Variants in NBPF12 observed in about 807,000 individuals in gnomAD.
NBPF12 encodes the protein NBPF family member NBPF12.
A neutral mutation model predicts 146.4 loss-of-function variants in NBPF12; 115 were observed. The observed-to-expected ratio is 0.79, with a 90% CI of 0.68 to 0.92. The LOEUF (loss-of-function observed/expected upper bound fraction) is 0.92. Ranked by LOEUF, NBPF12 falls within the 40% of genes least tolerant of loss-of-function variation. NBPF12 has a pLI of 0.00. For synonymous variants in NBPF12, 385 were observed against 508.9 expected, an observed-to-expected ratio of 0.76 and a Z score of 3.28; for missense variants, 1,205 against 1,326.8, an observed-to-expected ratio of 0.91 and a Z score of 1.43.
chr1:146,994,291 A>C, intron 33 of NBPF12, 41 bp from the exon 37 acceptor site: 1 of 1,610,846 alleles, frequency 6.2e-7, no homozygotes, highest in East Asian at 2.2e-5. Flanking sequence ...GTGGTGTCTG[A>C]CTTTCCCTGG....
intron 2 of NBPF12, among the ~76,000 whole-genome samples, chr1:146,955,888 C>T (rs1477241131): frequency 2.0e-5 from 3 of 151,072 alleles, no homozygotes; most frequent in African/African-American, 7.3e-5. Context: ...AGAATGCCTT[C>T]GTTATTTCGT....
rs1448026357 is a variant in NBPF12, at chr1:146,949,939, CAT to C, written c.-326+518_-326+519del. 3.4e-3 allele frequency among the ~76,000 whole-genome samples: 524 copies of C among 151,980 alleles called. 7 individuals are homozygous for C. Among genetic ancestry groups the C allele is most frequent in the African/African-American group, 0.012 (496 of 41,350 alleles). ...TCCAACCAGCCACACAAAGCTCTGT[CAT>C]GTGTGGAGTGATGTGATTAGATCCA... On this transcript the variant is annotated intron_variant, in intron 1 of 33. Transcript: ENST00000617844.
At chr1:146,939,504 A>T (rs1447417321) in intron 1 of NBPF12, among the ~76,000 whole-genome samples, 1 of 151,922 alleles carries the variant, frequency 6.6e-6, no homozygotes, top group African/African-American at 2.4e-5. Flanking sequence ...GAATCACCTC[A>T]TGACTAGCGG....
At chr1:146,972,729 T>A (rs1420222299) in intron 13 of NBPF12, 22 bp from the exon 17 acceptor site, 1 of 1,363,922 alleles carries the variant, frequency 7.3e-7, no homozygotes, top group Non-Finnish European at 1.0e-6. Flanking sequence ...ACCCATCATG[T>A]GTTTGCCTTT....
intron 19 of NBPF12, among the ~76,000 whole-genome samples, chr1:146,981,097 A>C (rs1553887902): frequency 7.6e-6 from 1 of 131,542 alleles, no homozygotes; most frequent in Non-Finnish European, 1.6e-5. Flanking sequence ...ACAAGGACAC[A>C]GGAAGGGGAA....
At chr1:146,970,178 G>C (rs1471671879) in intron 11 of NBPF12, among the ~76,000 whole-genome samples, 1 of 150,774 alleles carries the variant, frequency 6.6e-6, no homozygotes, top group Non-Finnish European at 1.5e-5. Context: ...CACTCCCCAT[G>C]GATAGAATGT....
chr1:146,982,971 T>A (rs1657486310), exon 20 of NBPF12: 6 of 1,609,288 alleles, frequency 3.7e-6, no homozygotes, highest in Non-Finnish European at 5.1e-6. Flanking sequence ...CCAGGAGTCC[T>A]GGGATGAAGG....
At chr1:146,964,383 G>A (rs1553885237) in exon 7 of NBPF12, 4 of 1,603,280 alleles carry the variant, frequency 2.5e-6, no homozygotes, top group East Asian at 4.5e-5. Flanking sequence ...GGATGAAGAT[G>A]TTCAAGTTGA....
At chr1:146,967,919 T>C (rs1656310265) in intron 9 of NBPF12, among the ~76,000 whole-genome samples, 1 of 145,366 alleles carries the variant, frequency 6.9e-6, no homozygotes, top group African/African-American at 2.6e-5. Context: ...CTTATGGTGT[T>C]ATGTGTCACA....
At chr1:146,946,705 A>AT (rs1451132896), upstream of NBPF12, among the ~76,000 whole-genome samples, 3 of 148,254 alleles carry the variant, frequency 2.0e-5, no homozygotes, top group African/African-American at 7.5e-5. Context: ...GCTCAACTTA[A>AT]TTTTTTTTCA....
At chr1:146,952,435 G>A (rs879057982) in intron 2 of NBPF12, among the ~76,000 whole-genome samples, 5 of 152,082 alleles carry the variant, frequency 3.3e-5, no homozygotes, top group South Asian at 2.1e-4. Context: ...CCCCAATGCC[G>A]TGTAGCACTT....
chr1:146,983,834 AG>A (rs1251542793), intron 20 of NBPF12, among the ~76,000 whole-genome samples: 12 of 124,974 alleles, frequency 9.6e-5, no homozygotes, highest in Non-Finnish European at 2.0e-4. Context: ...ATGAGGTGTT[AG>A]AACTATTTGC....
chr1:146,965,201 G>T, intron 8 of NBPF12, 97 bp downstream of exon 11: 3 of 811,116 alleles, frequency 3.7e-6, no homozygotes, highest in Non-Finnish European at 6.5e-6. Context: ...TATTGTTTTA[G>T]TCAGAAACTA....
At chr1:146,962,904 T>C (rs1214829258) in intron 5 of NBPF12, among the ~76,000 whole-genome samples, 191 bp from the exon 9 acceptor site, 1 of 151,320 alleles carries the variant, frequency 6.6e-6, no homozygotes, top group African/African-American at 2.4e-5. Context: ...GCAGGAGCCC[T>C]CTCTGATAGA....
At chr1:146,977,662 A>T in exon 18 of NBPF12, 1 of 921,578 alleles carries the variant, frequency 1.1e-6, no homozygotes, top group Non-Finnish European at 1.8e-6. Flanking sequence ...TGCTGTACAC[A>T]TTATCCCAGG....
chr1:146,949,821 C>T (rs1200611048), intron 1 of NBPF12, among the ~76,000 whole-genome samples: 2 of 151,970 alleles, frequency 1.3e-5, no homozygotes, highest in Non-Finnish European at 2.9e-5. Context: ...CCAGAGGCCA[C>T]GTGCTTTCCT....
At chr1:146,960,572 A>G (rs1655785617) in intron 4 of NBPF12, among the ~76,000 whole-genome samples, 1 of 152,054 alleles carries the variant, frequency 6.6e-6, no homozygotes, top group African/African-American at 2.4e-5. Context: ...ACACAGGCAC[A>G]GAATGACCTG....
In NBPF12 at chr1:146,994,227, C is replaced by G. The variant is rs1212783136; in HGVS notation, c.4131-105C>G. 6 of 1,565,924 alleles carry G rather than the reference C, an allele frequency of 3.8e-6. No individual in the cohort carries two copies. The East Asian group carries it at 9.0e-5, about 23-fold the overall frequency. ...TTGTTACCTCATTAATGGATCTGTC[C>G]TTTTTCTTTTCTAACCACTTCCTTA... is the stretch of plus-strand genomic sequence containing the variant. On this transcript the variant is annotated intron_variant, in intron 33 of 33. Transcript: ENST00000617844.
intron 13 of NBPF12, 93 bp from the exon 17 acceptor site, chr1:146,972,658 A>G: frequency 8.4e-6 from 9 of 1,070,732 alleles, no homozygotes; most frequent in East Asian, 4.7e-5. Flanking sequence ...AAATAAGTAG[A>G]CAAGGCTACC....
Sources: gnomAD v4.1 joint callset for allele counts (sites outside exome capture counted in the v4.1 genomes callset) on GRCh38, gnomAD v4.1.1 for gene constraint, MANE v1.5 for transcripts, NCBI Gene and HGNC (gene_info 2026-07-23, HGNC 2026-07-21) for gene names.